The following GALK1 variants were observed in gnomAD, a reference collection of about 807,000 sequenced individuals.
The protein encoded by GALK1 is galactokinase.
In GALK1, 30 loss-of-function variants were observed where a neutral mutation model predicts 38.6. That is an observed-to-expected ratio of 0.78 (90% CI 0.58 to 1.05). The LOEUF is 1.05. GALK1 is among the 50% of genes least tolerant of loss of function. GALK1 has a pLI of 0.00. For missense variants in GALK1, 512 were observed against 540.5 expected, an observed-to-expected ratio of 0.95 and a Z score of 0.52; for synonymous variants, 240 against 233.6, an observed-to-expected ratio of 1.03 and a Z score of -0.25.
At chr17:75,756,899 G>T, downstream of GALK1, 1 of 1,612,280 alleles carries the variant, frequency 6.2e-7, no homozygotes, top group South Asian at 1.1e-5. Flanking sequence ...CAGGGGAGGG[G>T]TAAAGAGGGG....
intron 8 of GALK1, chr17:75,752,217 G>A: frequency 1.9e-6 from 3 of 1,613,934 alleles, no homozygotes; most frequent in South Asian, 1.1e-5. Flanking sequence ...ACAACCCTAA[G>A]AACCGGATGC....
Position 75,762,709 on chromosome 17 carries a change from A to G in GALK1, c.788T>C (p.Leu263Pro), listed in dbSNP as rs1201934343. 11 of 1,613,718 alleles carry G rather than the reference A, an allele frequency of 6.8e-6. No homozygotes were observed. The highest frequency in any genetic ancestry group is 9.3e-6 in the Non-Finnish European group (11 of 1,179,996). ...ESLREVQLEE[L>P]EAARDLVSKE... ...AGCACCCTGGCAGTTCTCACCCTCT[A>G]GCTCTTCCAGTTGTACCTCCCGGAG... is the stretch of plus-strand genomic sequence containing the variant. The change falls in exon 5 of 8, where the codon CTA becomes CCA. Residue 263 changes from leucine (L) to proline (P), a missense_variant. Physicochemically the swap from Leu to Pro is moderately conservative, Grantham distance 98. Coordinates refer to ENST00000588479, the MANE Select transcript of GALK1 (RefSeq NM_000154.2).
downstream of GALK1, chr17:75,755,632 G>T (rs2061479399): frequency 1.3e-6 from 2 of 1,592,704 alleles, no homozygotes; most frequent in Non-Finnish European, 1.7e-6. Context: ...AGGTCAGGGG[G>T]CAGCACTGTG....
At chr17:75,753,807 A>G, downstream of GALK1, 31 of 1,465,580 alleles carry the variant, frequency 2.1e-5, no homozygotes, top group Non-Finnish European at 2.8e-5. Context: ...GAGGAGCTGG[A>G]CCTGCGGCGC....
chr17:75,760,312 C>T (rs888662533), intron 5 of GALK1, among the ~76,000 whole-genome samples: 1 of 151,896 alleles, frequency 6.6e-6, no homozygotes, highest in Admixed American at 6.6e-5. Context: ...AGGCTGGTCT[C>T]GAATTCCTGA....
In GALK1 at chr17:75,763,414, T is replaced by A; in HGVS notation, c.381A>T (p.Ala127=). 1 of 1,609,904 alleles carries A rather than the reference T, an allele frequency of 6.2e-7. No homozygotes were observed. Among genetic ancestry groups the A allele is most frequent in the Non-Finnish European group, 8.5e-7 (1 of 1,178,300 alleles). Residue 127 remains alanine (A), a synonymous_variant, in exon 3 of 8, where the codon GCA becomes GCT. Coordinates refer to ENST00000588479, the MANE Select transcript of GALK1 (RefSeq NM_000154.2). The part of the protein sequence containing the change: ...YPAAPLPGFS[A]VVVSSVPLGG... ...CCAGGGGCACTGAGCTGACCACCAC[T>A]GCACTGAAGCCAGGGAGGGGGGCAG...
intron 5 of GALK1, among the ~76,000 whole-genome samples, chr17:75,759,278 G>C (rs909726206): frequency 6.6e-6 from 1 of 151,934 alleles, no homozygotes; most frequent in African/African-American, 2.4e-5. Flanking sequence ...AAATACAAAA[G>C]TTAGCCGGGC....
intron 1 of GALK1, 126 bp from the exon 2 acceptor site, chr17:75,764,212 G>A (rs1461091035): frequency 1.0e-6 from 1 of 955,718 alleles, no homozygotes; most frequent in Admixed American, 1.7e-5. Flanking sequence ...CAGGTTCAGC[G>A]TCGCAGGGAA....
intron 1 of GALK1, chr17:75,764,572 A>G (rs1026639734): frequency 4.4e-6 from 2 of 456,318 alleles, no homozygotes; most frequent in Non-Finnish European, 8.6e-6. Flanking sequence ...TCCTCTGTAA[A>G]TTGAACGGGC....
intron 1 of GALK1, 82 bp from the exon 2 acceptor site, chr17:75,764,168 C>G: frequency 8.0e-7 from 1 of 1,253,778 alleles, no homozygotes; most frequent in South Asian, 1.2e-5. Flanking sequence ...AGCCGAGGTT[C>G]TGATGCCTCC....
chr17:75,754,859 T>C, downstream of GALK1: 1 of 1,613,278 alleles, frequency 6.2e-7, no homozygotes. Context: ...TAACCCTTCC[T>C]CTCTTCCAGC....
At position 75,765,008 on chromosome 17, in the gene GALK1, T is replaced by C. The variant is rs2061604697; in HGVS notation, c.129A>G (p.Glu43=). Residue 43 remains glutamate (E), a synonymous_variant, in exon 1 of 8, where the codon GAA becomes GAG. Coordinates refer to ENST00000588479, the MANE Select transcript of GALK1 (RefSeq NM_000154.2). Reference sequence around the variant, plus strand: ...CCAGGCCCTGGTTGTAGTCCGTGTGTTCCCCGATGAGGTTGACGCGGCCCG... The same window carrying C: ...CCAGGCCCTGGTTGTAGTCCGTGTGCTCCCCGATGAGGTTGACGCGGCCCG... ...SAPGRVNLIG[E]HTDYNQGLVL... 1 of 1,610,882 alleles carries C rather than the reference T, an allele frequency of 6.2e-7. No homozygotes were observed. Among genetic ancestry groups the C allele is most frequent in the South Asian group, 1.1e-5 (1 of 90,776 alleles).
downstream of GALK1, chr17:75,754,961 C>CATAT (rs3988219): frequency 3.3e-6 from 5 of 1,531,474 alleles, no homozygotes; most frequent in South Asian, 1.1e-5. Context: ...CACGTGCACA[C>CATAT]GCATGCACAC....
chr17:75,752,202 G>A, intron 8 of GALK1: 1 of 1,613,976 alleles, frequency 6.2e-7, no homozygotes, highest in Non-Finnish European at 8.5e-7. Flanking sequence ...AGAAAGTGCT[G>A]GTTGACAACC....
At chr17:75,764,304 C>T (rs772327071) in intron 1 of GALK1, 1 of 753,728 alleles carries the variant, frequency 1.3e-6, no homozygotes, top group South Asian at 1.4e-5. Flanking sequence ...AGCTGGAGCA[C>T]AGACCTGGAC....
At chr17:75,762,334 G>C (rs1175416052) in intron 5 of GALK1, among the ~76,000 whole-genome samples, 1 of 151,506 alleles carries the variant, frequency 6.6e-6, no homozygotes, top group East Asian at 1.9e-4. Context: ...AAAGGGGGTG[G>C]GGGGGGAAAG....
intron 2 of GALK1, 75 bp from the exon 3 acceptor site, chr17:75,763,514 G>A (rs781024507): frequency 9.4e-5 from 139 of 1,480,926 alleles, no homozygotes; most frequent in Admixed American, 3.7e-4. Flanking sequence ...GTGTCCTGGC[G>A]GGAAGGGCAG....
At position 75,758,788 on chromosome 17, in the gene GALK1, C is replaced by T. The variant is rs866238943; in HGVS notation, c.794-189G>A. On this transcript the variant is annotated intron_variant, in intron 5 of 7. Coordinates refer to ENST00000588479, the MANE Select transcript of GALK1 (RefSeq NM_000154.2). ...CCCTTTATCACAGTGCCTCCTCCCC[C>T]GACTGTAAAATGGGACACCTTGGTC... is the stretch of plus-strand genomic sequence containing the variant. Among the ~76,000 whole-genome samples, 15 of 152,306 alleles carry T rather than the reference C, an allele frequency of 9.8e-5. 2 individuals carry two copies. In the Middle Eastern group the frequency reaches 0.01, roughly 104 times the overall value.
Position 75,763,396 on chromosome 17 carries a change from C to T in GALK1, c.399G>A (p.Val133=), listed in dbSNP as rs201110055. The change falls in exon 3 of 8, where the codon GTG becomes GTA. Residue 133 remains valine, a synonymous_variant. Transcript: ENST00000588479. ...PGFSAVVVSS[V]PLGGGLSSSA... ...AGCTGGACAGGCCACCCCCCAGGGG[C>T]ACTGAGCTGACCACCACTGCACTGA... 6.2e-7 allele frequency: 1 copy of T among 1,612,332 alleles called. No homozygotes were observed. Among genetic ancestry groups the T allele is most frequent in the African/African-American group, 1.3e-5 (1 of 74,980 alleles).
Sources: gnomAD v4.1 joint callset for allele counts (sites outside exome capture counted in the v4.1 genomes callset) on GRCh38, gnomAD v4.1.1 for gene constraint, MANE v1.5 for transcripts, NCBI Gene and HGNC (gene_info 2026-07-23, HGNC 2026-07-21) for gene names.